Variants in MIF4GD observed in about 807,000 individuals in gnomAD.
The protein encoded by MIF4GD is MIF4G domain-containing protein.
Under a neutral mutation model 26.7 loss-of-function variants are expected in MIF4GD, and 22 were observed. The observed-to-expected ratio is 0.82, with a 90% CI of 0.59 to 1.18. The LOEUF is 1.18. Ranked by LOEUF, MIF4GD falls within the 50% of genes most tolerant of loss-of-function variation. The pLI is 0.00. For synonymous variants in MIF4GD, 137 were observed against 111.6 expected (o/e 1.23, Z -1.43); for missense variants, 262 against 279.6 (o/e 0.94, Z 0.45).
rs1481766301 is a variant in MIF4GD, at chr17:75,270,295, G to A, written c.-50-50C>T. 3 of 1,077,076 alleles carry A rather than the reference G, an allele frequency of 2.8e-6. No individual in the cohort carries two copies. The highest frequency in any genetic ancestry group is 1.6e-5 in the African/African-American group (1 of 64,126). The allele number at this position is 1,077,076 out of a possible 1,614,324, so 66.7% of individuals were successfully genotyped here. On this transcript the variant is annotated intron_variant, in intron 1 of 5. Transcript: ENST00000325102. The surrounding 1 kb of genome is among the most constrained non-coding windows in gnomAD (Gnocchi z 5.7). Reference sequence around the variant, plus strand: ...GGCCTCAGGTGTGGAGCGCAGGGCGGGTTCCGTCCTGCAGGCCCTGGACGG... The same window carrying A: ...GGCCTCAGGTGTGGAGCGCAGGGCGAGTTCCGTCCTGCAGGCCCTGGACGG...
chr17:75,270,514 C>T lies in MIF4GD; in HGVS notation c.-50-269G>A, dbSNP rs1284975604. ...AGCAGGAAAGCGCCCACCCTCCAGT[C>T]CCAGCAGGAGGCAGGAGTAGACTGG... On this transcript the variant is annotated intron_variant, in intron 1 of 5. Coordinates refer to ENST00000325102, the MANE Select transcript of MIF4GD (RefSeq NM_001370592.1). This position sits in a 1 kb window ranked among gnomAD's most constrained non-coding sequence, Gnocchi z 5.7. The T allele has an allele frequency of 1.5e-5, 5 of 328,298 alleles. No homozygotes were observed. Among genetic ancestry groups the T allele is most frequent in the Non-Finnish European group, 2.9e-5 (5 of 170,870 alleles). 20.3% of individuals were successfully genotyped at this position (328,298 alleles called of 1,614,324 possible). A position where few individuals can be genotyped will look rare whatever the true frequency, so the allele number is the denominator to read the frequency against.
rs984039307 is a variant in MIF4GD, at chr17:75,267,854, G to T, written c.240C>A (p.Leu80=). ...AGQSVFRRGL[L]NRLQQEYQAR... is the part of the protein sequence containing the mutation. The stretch of plus-strand genomic sequence containing the variant: ...CCTGGTACTCCTGCTGCAGCCGGTT[G>T]AGGAGTCCACGTCGGAAGACACTCT... Residue 80 remains leucine, a synonymous_variant, in exon 4 of 6, where the codon CTC becomes CTA. Coordinates refer to ENST00000325102, the MANE Select transcript of MIF4GD (RefSeq NM_001370592.1). 6.2e-7 allele frequency: 1 copy of T among 1,613,926 alleles called. No homozygotes were observed. The highest frequency in any genetic ancestry group is 8.5e-7 in the Non-Finnish European group (1 of 1,179,984).
In MIF4GD at chr17:75,267,894, C is replaced by A; in HGVS notation, c.200G>T (p.Ser67Ile). The change falls in exon 4 of 6, where the codon AGT (serine) becomes ATT (isoleucine). Residue 67 changes from serine to isoleucine, a missense_variant. Transcript: ENST00000325102. ...RMCYAIIQAE[S>I]KQAGQSVFRR... is the part of the protein sequence containing the mutation. ...GAAGACACTCTGGCCTGCTTGTTTA[C>A]TCTCTGCCTGTGAGCCAGGGAGAGG... is the stretch of plus-strand genomic sequence containing the variant. 1 of 1,611,968 alleles carries A rather than the reference C, an allele frequency of 6.2e-7. No homozygotes were observed.
chr17:75,266,753 T>G lies in MIF4GD; in HGVS notation c.656A>C (p.Glu219Ala). The G allele has an allele frequency of 1.9e-6, 3 of 1,614,192 alleles. No homozygotes were observed. The South Asian group carries it at 3.3e-5, about 18-fold the overall frequency. ...TGATCTGGAGGCCTAGTCGGAGACT[T>G]CGCTGTAGTAATACTTGTGGGCAGC... is the stretch of plus-strand genomic sequence containing the variant. ...TPAAHKYYYS[E>A]VSD Residue 219 changes from glutamate (E) to alanine (A), a missense_variant, in exon 6 of 6, where the codon GAA (glutamate) becomes GCA (alanine). Coordinates refer to ENST00000325102, the MANE Select transcript of MIF4GD (RefSeq NM_001370592.1).
At chr17:75,269,385 G>C (rs1385157866) in intron 2 of MIF4GD, 3 of 1,614,090 alleles carry the variant, frequency 1.9e-6, no homozygotes, top group South Asian at 1.1e-5. Flanking sequence ...CATCAGGCGA[G>C]AGCAATTACT....
rs761329382 is a variant in MIF4GD, at chr17:75,267,538, C to T, written c.441G>A (p.Glu147=). 1.9e-6 allele frequency: 3 copies of T among 1,613,578 alleles called. No homozygotes were observed. The African/African-American group carries it at 4.0e-5, about 22-fold the overall frequency. The change falls in exon 5 of 6, where the codon GAG becomes GAA. Residue 147 remains glutamate (E), a splice_region_variant and synonymous_variant. Coordinates refer to ENST00000325102, the MANE Select transcript of MIF4GD (RefSeq NM_001370592.1). The stretch of plus-strand genomic sequence containing the variant: ...TTGTGCCAGGGCTGGGGCCACCCAC[C>T]TCCTCCTCCTTGCTCAAACTGTCTG... ...AQPDSLSKEE[E]VDCLVLQLHR... is the part of the protein sequence containing the mutation.
At chr17:75,268,935 C>T (rs564150648) in intron 2 of MIF4GD, among the ~76,000 whole-genome samples, 6 of 151,428 alleles carry the variant, frequency 4.0e-5, no homozygotes, top group Admixed American at 2.6e-4. Flanking sequence ...ACCTGGGAGG[C>T]GGAGGTTGCA....
Position 75,266,888 on chromosome 17 carries a change from A to G in MIF4GD, c.521T>C (p.Phe174Ser). The G allele has an allele frequency of 1.2e-6, 2 of 1,614,150 alleles. No homozygotes were observed. The highest frequency in any genetic ancestry group is 1.7e-6 in the Non-Finnish European group (2 of 1,180,012). ...KMNGQRMDEL[F>S]VLIRDGFLLP... ...CAGGAAGCCATCCCGGATCAGCACA[A>G]AGAGCTCATCCATGCGCTGCCCATT... is the stretch of plus-strand genomic sequence containing the variant. The change falls in exon 6 of 6, where the codon TTT becomes TCT. Residue 174 changes from phenylalanine (F) to serine (S), a missense_variant. By Grantham distance (155) the Phe-to-Ser change is radical. Transcript: ENST00000325102.
intron 3 of MIF4GD, 78 bp from the exon 4 acceptor site, chr17:75,267,979 C>CT: frequency 6.3e-7 from 1 of 1,595,966 alleles, no homozygotes. Context: ...CTCTCTCTCT[C>CT]TTTGAGCTAG....
At position 75,271,118 on chromosome 17, in the gene MIF4GD, G is replaced by C. The variant is rs1250746361; in HGVS notation, c.-51+26C>G. 1.3e-5 allele frequency: 2 copies of C among 150,280 alleles called. No individual in the cohort carries two copies. Among genetic ancestry groups the C allele is most frequent in the African/African-American group, 2.4e-5 (1 of 41,268 alleles). 9.3% of individuals were successfully genotyped at this position (150,280 alleles called of 1,614,324 possible). A position where few individuals can be genotyped will look rare whatever the true frequency, so the allele number is the denominator to read the frequency against. On this transcript the variant is annotated intron_variant, in intron 1 of 5. Coordinates refer to ENST00000325102, the MANE Select transcript of MIF4GD (RefSeq NM_001370592.1). This position sits in a 1 kb window ranked among gnomAD's most constrained non-coding sequence, Gnocchi z 4.2. ...ACGGCCCAGGGTCCCGCGGGCGGGAGAGGCGGCGTGGGAGCCGGGACCCAC... is the reference window on the plus strand; with the variant it reads ...ACGGCCCAGGGTCCCGCGGGCGGGACAGGCGGCGTGGGAGCCGGGACCCAC...
intron 2 of MIF4GD, chr17:75,269,310 CAT>C: frequency 1.2e-6 from 2 of 1,611,570 alleles, no homozygotes; most frequent in Non-Finnish European, 1.7e-6. Flanking sequence ...CGGCTTGACA[CAT>C]GATGGGTGTT....
At position 75,270,872 on chromosome 17, in the gene MIF4GD, G is replaced by A. The variant is rs891772161; in HGVS notation, c.-51+272C>T. On this transcript the variant is annotated intron_variant, in intron 1 of 5. Coordinates refer to ENST00000325102, the MANE Select transcript of MIF4GD (RefSeq NM_001370592.1). The surrounding 1 kb of genome is among the most constrained non-coding windows in gnomAD (Gnocchi z 5.7). ...ACAGGCTGGTCGGATCGGCTCCCGA[G>A]TGGCAGTAACCCGGCCCTACGCACT... 2 of 152,544 alleles carry A rather than the reference G, an allele frequency of 1.3e-5. No individual in the cohort carries two copies. The highest frequency in any genetic ancestry group is 1.3e-4 in the Admixed American group (2 of 15,296). The allele number at this position is 152,544 out of a possible 1,614,324, so 9.4% of individuals were successfully genotyped here. A position where few individuals can be genotyped will look rare whatever the true frequency, so the allele number is the denominator to read the frequency against.
Position 75,266,771 on chromosome 17 carries a change from T to G in MIF4GD, c.638A>C (p.His213Pro). The change falls in exon 6 of 6, where the codon CAC becomes CCC. Residue 213 changes from histidine to proline, a missense_variant. By Grantham distance (77) the His-to-Pro change is moderately conservative (BLOSUM62 -2). Coordinates refer to ENST00000325102, the MANE Select transcript of MIF4GD (RefSeq NM_001370592.1). ...AAGWKTTPAA[H>P]KYYYSEVSD ...GGAGACTTCGCTGTAGTAATACTTG[T>G]GGGCAGCTGGCGTTGTCTTCCAGCC... 1 of 1,614,206 alleles carries G rather than the reference T, an allele frequency of 6.2e-7. No homozygotes were observed. Among genetic ancestry groups the G allele is most frequent in the East Asian group, 2.2e-5 (1 of 44,888 alleles).
At chr17:75,268,391 C>G (rs1012095852) in intron 2 of MIF4GD, among the ~76,000 whole-genome samples, 199 bp from the exon 3 acceptor site, 4 of 152,164 alleles carry the variant, frequency 2.6e-5, no homozygotes, top group African/African-American at 9.7e-5. Context: ...TGGCCGGGCG[C>G]AGTGGCTCAT....
Position 75,270,519 on chromosome 17 carries a change from CA to C in MIF4GD, c.-50-275del. The C allele has an allele frequency of 3.1e-6, 1 of 317,574 alleles. No homozygotes were observed. The highest frequency in any genetic ancestry group is 2.2e-5 in the African/African-American group (1 of 46,224). The allele number at this position is 317,574 out of a possible 1,614,324, so 19.7% of individuals were successfully genotyped here. A position where few individuals can be genotyped will look rare whatever the true frequency, so the allele number is the denominator to read the frequency against. On this transcript the variant is annotated intron_variant, in intron 1 of 5. Transcript: ENST00000325102. The surrounding 1 kb of genome is among the most constrained non-coding windows in gnomAD (Gnocchi z 5.7). ...GAAAGCGCCCACCCTCCAGTCCCAG[CA>C]GGAGGCAGGAGTAGACTGGGGCAGG...
At position 75,266,917 on chromosome 17, in the gene MIF4GD, T is replaced by A. The variant is rs768553265; in HGVS notation, c.492A>T (p.Lys164Asn). 2 of 1,613,978 alleles carry A rather than the reference T, an allele frequency of 1.2e-6. No homozygotes were observed. The highest frequency in any genetic ancestry group is 2.7e-5 in the African/African-American group (2 of 74,930). The change falls in exon 6 of 6, where the codon AAA becomes AAT. Residue 164 changes from lysine (K) to asparagine (N), a missense_variant. By Grantham distance (94) the Lys-to-Asn change is moderately conservative (BLOSUM62 0). Coordinates refer to ENST00000325102, the MANE Select transcript of MIF4GD (RefSeq NM_001370592.1). ...QLHRVGEQLE[K>N]MNGQRMDELF... ...GCTCATCCATGCGCTGCCCATTCAT[T>A]TTCTCCAGCTGCTCCCCAACCCGGT...
At chr17:75,268,835 C>T (rs776878604) in intron 2 of MIF4GD, among the ~76,000 whole-genome samples, 1 of 151,650 alleles carries the variant, frequency 6.6e-6, no homozygotes, top group African/African-American at 2.4e-5. Flanking sequence ...GAAACCCCGT[C>T]TCTACAAAAA....
chr17:75,270,772 G>T lies in MIF4GD; in HGVS notation c.-51+372C>A, dbSNP rs1166089135. Among the ~76,000 whole-genome samples the T allele has an allele frequency of 1.3e-5, 2 of 152,108 alleles. No individual in the cohort carries two copies. The highest frequency in any genetic ancestry group is 2.9e-5 in the Non-Finnish European group (2 of 68,008). On this transcript the variant is annotated intron_variant, in intron 1 of 5. Coordinates refer to ENST00000325102, the MANE Select transcript of MIF4GD (RefSeq NM_001370592.1). This position sits in a 1 kb window ranked among gnomAD's most constrained non-coding sequence, Gnocchi z 5.7. ...GATGGGGCCGGCCTGCGTGGGTGGGGACGCAGGCGCCCTGTCCGCCGCCCC... is the reference window on the plus strand; with the variant it reads ...GATGGGGCCGGCCTGCGTGGGTGGGTACGCAGGCGCCCTGTCCGCCGCCCC...
At position 75,266,622 on chromosome 17, in the gene MIF4GD, G is replaced by A. The variant is rs2077491978; in HGVS notation, c.*118C>T. The A allele has an allele frequency of 1.1e-6, 1 of 920,758 alleles. No individual in the cohort carries two copies. Among genetic ancestry groups the A allele is most frequent in the Admixed American group, 2.0e-5 (1 of 50,132 alleles). 57.0% of individuals were successfully genotyped at this position (920,758 alleles called of 1,614,324 possible). On this transcript the variant is annotated 3_prime_UTR_variant, in exon 6 of 6. Coordinates refer to ENST00000325102, the MANE Select transcript of MIF4GD (RefSeq NM_001370592.1). ...ACCAGGAGATGGGAAAGTCTAGAAG[G>A]GAAGACACTCAAAGTCTGGAAGGGA...
Sources: gnomAD v4.1 joint callset for allele counts (sites outside exome capture counted in the v4.1 genomes callset) on GRCh38, gnomAD v4.1.1 for gene constraint, Gnocchi (gnomAD v3.1) non-coding constraint, MANE v1.5 for transcripts, NCBI Gene and HGNC (gene_info 2026-07-23, HGNC 2026-07-21) for gene names.